Variants in PRPF31 observed in about 807,000 individuals in gnomAD.
The protein encoded by PRPF31 is U4/U6 small nuclear ribonucleoprotein Prp31.
PRPF31 carries 12 observed loss-of-function variants against 60.4 expected under a neutral mutation model. The observed-to-expected ratio is 0.20, with a 90% CI of 0.13 to 0.32. PRPF31 has a LOEUF of 0.32. Ranked by LOEUF, PRPF31 falls within the 10% of genes least tolerant of loss-of-function variation. PRPF31 has a pLI of 1.00. For synonymous variants in PRPF31, 287 were observed against 287.9 expected, an observed-to-expected ratio of 1.00 and a Z score of 0.03; for missense variants, 431 against 687.1, an observed-to-expected ratio of 0.63 and a Z score of 4.17.
intron 5 of PRPF31, chr19:54,123,208 G>A (rs1600339326): frequency 1.7e-6 from 1 of 595,094 alleles, no homozygotes; most frequent in East Asian, 2.8e-5. Context: ...AGTCTTTCCA[G>A]ACGCCACTCT....
intron 4 of PRPF31, 111 bp from the exon 5 acceptor site, chr19:54,122,386 C>G: frequency 1.2e-6 from 1 of 868,124 alleles, no homozygotes; most frequent in Non-Finnish European, 2.0e-6. Context: ...TGTGCCAGGC[C>G]ACAAGCCAGG....
chr19:54,131,185 CA>C, intron 13 of PRPF31, 121 bp from the exon 14 acceptor site: 1 of 1,404,242 alleles, frequency 7.1e-7, no homozygotes. Flanking sequence ...CAGGGACAGG[CA>C]AACTGTCTCA....
chr19:54,116,503 G>A (rs1190313730), intron 1 of PRPF31, among the ~76,000 whole-genome samples: 1 of 152,218 alleles, frequency 6.6e-6, no homozygotes, highest in Non-Finnish European at 1.5e-5. Context: ...ACCGCTCCCG[G>A]CCTTTTACAG....
At chr19:54,122,363 A>G in intron 4 of PRPF31, 134 bp from the exon 5 acceptor site, 2 of 790,054 alleles carry the variant, frequency 2.5e-6, no homozygotes, top group South Asian at 2.7e-5. Context: ...GAAAGGCTGT[A>G]TGCTGGTGCC....
chr19:54,126,199 C>T (rs762885508), intron 8 of PRPF31, among the ~76,000 whole-genome samples: 1 of 152,184 alleles, frequency 6.6e-6, no homozygotes, highest in African/African-American at 2.4e-5. Context: ...TGAGATGATC[C>T]GAGGGGCGTG....
intron 9 of PRPF31, 84 bp from the exon 10 acceptor site, chr19:54,127,989 G>A: frequency 6.5e-7 from 1 of 1,536,180 alleles, no homozygotes; most frequent in African/African-American, 1.4e-5. Context: ...TAAGGCACGT[G>A]GATACTCGGG....
chr19:54,131,567 A>C lies in PRPF31; in HGVS notation c.*135A>C. 7.2e-7 allele frequency: 1 copy of C among 1,386,760 alleles called. No individual in the cohort carries two copies. The highest frequency in any genetic ancestry group is 1.0e-6 in the Non-Finnish European group (1 of 1,003,202). 85.9% of individuals were successfully genotyped at this position (1,386,760 alleles called of 1,614,324 possible). A position where few individuals can be genotyped will look rare whatever the true frequency, so the allele number is the denominator to read the frequency against. ...CCATTGCTGGGACTGCCCAGGGAGG[A>C]GGCCTTGGAAGAGTCCGGCCTGGCC... On this transcript the variant is annotated 3_prime_UTR_variant, in exon 14 of 14. Transcript: ENST00000321030.
At chr19:54,130,807 G>A (rs1466604409) in intron 13 of PRPF31, among the ~76,000 whole-genome samples, 1 of 152,088 alleles carries the variant, frequency 6.6e-6, no homozygotes, top group African/African-American at 2.4e-5. Context: ...TGAAAAGAAC[G>A]CACAGGAAGC....
At chr19:54,124,029 C>A in intron 7 of PRPF31, 111 bp downstream of exon 7, 1 of 1,545,998 alleles carries the variant, frequency 6.5e-7, no homozygotes, top group South Asian at 1.2e-5. Context: ...ACCTCAGCAC[C>A]CCGTCTCCCT....
At chr19:54,129,859 G>A (rs1226997845) in intron 13 of PRPF31, among the ~76,000 whole-genome samples, 4 of 151,840 alleles carry the variant, frequency 2.6e-5, no homozygotes, top group African/African-American at 9.7e-5. Context: ...AGCAGGGCGA[G>A]CCTGCACCAC....
In PRPF31 at chr19:54,125,161, A is replaced by G. The variant is rs752588712; in HGVS notation, c.855+505A>G. The G allele has an allele frequency of 1.9e-3, 394 of 206,502 alleles. 1 individual carries two copies. Among genetic ancestry groups the G allele is most frequent in the Non-Finnish European group, 3.4e-3 (339 of 99,784 alleles). The allele number at this position is 206,502 out of a possible 1,614,324, so 12.8% of individuals were successfully genotyped here. ...GGTCCTCTCCCTGCAGTCGGGACAC[A>G]TCACCATCCCAGCATCGACGCCTGA... On this transcript the variant is annotated intron_variant, in intron 8 of 13. Transcript: ENST00000321030.
In PRPF31 at chr19:54,126,593, T is replaced by C. The variant is rs368242197; in HGVS notation, c.921T>C (p.Ser307=). 1.1e-5 allele frequency: 18 copies of C among 1,613,406 alleles called. No individual in the cohort carries two copies. Among genetic ancestry groups the C allele is most frequent in the Middle Eastern group, 1.6e-4 (1 of 6,080 alleles). The change falls in exon 9 of 14, where the codon AGT becomes AGC. Residue 307 remains serine (S), a synonymous_variant. Transcript: ENST00000321030. ...AKCTLAARVD[S]FHESTEGKVG... Reference sequence around the variant, plus strand: ...GCACACTGGCAGCCCGTGTGGACAGTTTCCACGAGAGCACAGAAGGGAAGG... The same window carrying C: ...GCACACTGGCAGCCCGTGTGGACAGCTTCCACGAGAGCACAGAAGGGAAGG...
chr19:54,130,769 C>A (rs587724433), intron 13 of PRPF31, among the ~76,000 whole-genome samples: 6 of 152,274 alleles, frequency 3.9e-5, no homozygotes, highest in African/African-American at 1.4e-4. Context: ...TCCAAGCCTC[C>A]CCTCCTCCAT....
At chr19:54,121,145 C>CA (rs1209759093) in intron 3 of PRPF31, among the ~76,000 whole-genome samples, 2 of 151,354 alleles carry the variant, frequency 1.3e-5, no homozygotes, top group East Asian at 2.0e-4. Flanking sequence ...TACAAACAAA[C>CA]AAAAAAAATT....
intron 13 of PRPF31, 122 bp from the exon 14 acceptor site, chr19:54,131,185 C>A: frequency 7.1e-7 from 1 of 1,404,242 alleles, no homozygotes; most frequent in Non-Finnish European, 1.0e-6. Context: ...CAGGGACAGG[C>A]AAACTGTCTC....
intron 3 of PRPF31, chr19:54,118,910 A>C: frequency 1.9e-6 from 1 of 518,732 alleles, no homozygotes; most frequent in East Asian, 3.0e-5. Context: ...GACCGGTTAC[A>C]GGGTTTTTGC....
At chr19:54,118,831 C>T in intron 3 of PRPF31, 198 bp downstream of exon 3, 5 of 616,176 alleles carry the variant, frequency 8.1e-6, no homozygotes, top group Non-Finnish European at 1.1e-5. Flanking sequence ...TTAAGTCCTT[C>T]CTGTGTGCTG....
chr19:54,128,317 G>A lies in PRPF31; in HGVS notation c.1086G>A (p.Met362Ile). ...CACCCGTCCCCAGGTACCGCAAGAT[G>A]AAGGAGCGGCTGGGGCTGACGGAGA... ...KKRGGRRYRKMKERLGLTEIR... is the reference protein window; with the variant it reads ...KKRGGRRYRKIKERLGLTEIR... The change falls in exon 11 of 14, where the codon ATG (methionine) becomes ATA (isoleucine). Residue 362 changes from methionine to isoleucine, a missense_variant. Transcript: ENST00000321030. 1 of 1,391,500 alleles carries A rather than the reference G, an allele frequency of 7.2e-7. No homozygotes were observed. The highest frequency in any genetic ancestry group is 9.6e-7 in the Non-Finnish European group (1 of 1,043,818). 86.2% of individuals were successfully genotyped at this position (1,391,500 alleles called of 1,614,324 possible).
intron 13 of PRPF31, 112 bp from the exon 14 acceptor site, chr19:54,131,195 C>T (rs1229111007): frequency 6.8e-7 from 1 of 1,461,674 alleles, no homozygotes; most frequent in African/African-American, 1.4e-5. Flanking sequence ...CAAACTGTCT[C>T]ATGCCCACCA....
Sources: allele counts gnomAD v4.1 joint callset (sites outside exome capture counted in the v4.1 genomes callset), GRCh38; gene constraint gnomAD v4.1.1; transcripts MANE v1.5; gene names NCBI Gene and HGNC (gene_info 2026-07-23, HGNC 2026-07-21).